TMEM273: variants seen among roughly 807,000 people sequenced by gnomAD.
The protein encoded by TMEM273 is chromosome 10 open reading frame 128.
A neutral mutation model predicts 17.9 loss-of-function variants in TMEM273; 19 were observed. The ratio of observed to expected loss-of-function variants is 1.06; its 90% CI spans 0.74 to 1.55. TMEM273 has a LOEUF of 1.55. Ranked by LOEUF, TMEM273 falls within the 40% of genes most tolerant of loss-of-function variation. The pLI is 0.00. For synonymous variants in TMEM273, 66 were observed against 62.0 expected, an observed-to-expected ratio of 1.07 and a Z score of -0.31; for missense variants, 194 against 155.6, an observed-to-expected ratio of 1.25 and a Z score of -1.31.
chr10:49,155,907 T>A lies in TMEM273; in HGVS notation c.375A>T (p.Arg125Ser). 6.2e-7 allele frequency: 1 copy of A among 1,614,144 alleles called. No individual in the cohort carries two copies. Among genetic ancestry groups the A allele is most frequent in the Non-Finnish European group, 8.5e-7 (1 of 1,180,038 alleles). Residue 125 changes from arginine to serine, a missense_variant and splice_region_variant, in exon 7 of 7, where the codon AGA (arginine) becomes AGT (serine). Coordinates refer to ENST00000374153, the MANE Select transcript of TMEM273 (RefSeq NM_001288740.3). ...FKAKPQFLQK[R>S]CTGD ...CACCTACAGCTCAATCACCTGTGCA[T>A]CTCTGGAAAGGAAGAGAACCATCTG... is the stretch of plus-strand genomic sequence containing the variant.
At chr10:49,175,644 T>TG (rs1846902554) in intron 1 of TMEM273, among the ~76,000 whole-genome samples, 1 of 152,224 alleles carries the variant, frequency 6.6e-6, no homozygotes, top group Non-Finnish European at 1.5e-5. Flanking sequence ...TTCAGGCTAA[T>TG]GGAGGGGTGG....
chr10:49,162,970 C>T (rs745782127), intron 5 of TMEM273, among the ~76,000 whole-genome samples: 2 of 152,232 alleles, frequency 1.3e-5, no homozygotes, highest in South Asian at 2.1e-4. Context: ...GCTGACTCAG[C>T]GCCCAACCCA....
intron 3 of TMEM273, 117 bp from the exon 4 acceptor site, chr10:49,165,913 A>G (rs1730116772): frequency 7.6e-7 from 1 of 1,320,230 alleles, no homozygotes; most frequent in African/African-American, 1.5e-5. Flanking sequence ...CCCTCGAGAG[A>G]CCCGGGGCCT....
intron 1 of TMEM273, among the ~76,000 whole-genome samples, chr10:49,176,292 C>A (rs1467401851): frequency 6.6e-6 from 1 of 152,220 alleles, no homozygotes; most frequent in Non-Finnish European, 1.5e-5. Context: ...TGGGAAGGTG[C>A]TCAGGTCAGA....
chr10:49,174,476 G>C (rs1846811578), intron 1 of TMEM273, among the ~76,000 whole-genome samples: 1 of 152,178 alleles, frequency 6.6e-6, no homozygotes, highest in Non-Finnish European at 1.5e-5. Flanking sequence ...ACCATGACTT[G>C]CAGAAATCTC....
In TMEM273 at chr10:49,166,970, G is replaced by A. The variant is rs372975640; in HGVS notation, c.137C>T (p.Ala46Val). The part of the protein sequence containing the change: ...YALIGTAVGV[A>V]ISAGFLALKI... ...CAGGGCCAGGAAGCCAGCAGATATGGCGACACCCACAGCAGTCCCGATGAG... is the reference window on the plus strand; with the variant it reads ...CAGGGCCAGGAAGCCAGCAGATATGACGACACCCACAGCAGTCCCGATGAG... The change falls in exon 3 of 7, where the codon GCC becomes GTC. Residue 46 changes from alanine (A) to valine (V), a missense_variant. Coordinates refer to ENST00000374153, the MANE Select transcript of TMEM273 (RefSeq NM_001288740.3). 3.5e-5 allele frequency: 57 copies of A among 1,614,042 alleles called. No individual in the cohort carries two copies. The highest frequency in any genetic ancestry group is 4.6e-5 in the Non-Finnish European group (54 of 1,180,036).
intron 5 of TMEM273, among the ~76,000 whole-genome samples, chr10:49,164,724 C>G (rs1171614879): frequency 6.6e-6 from 1 of 152,186 alleles, no homozygotes; most frequent in African/African-American, 2.4e-5. Context: ...ATGAGCTTCT[C>G]TTAGTCCTTC....
At position 49,164,679 on chromosome 10, in the gene TMEM273, T is replaced by C. The variant is rs535010928; in HGVS notation, c.348+526A>G. Among the ~76,000 whole-genome samples the C allele has an allele frequency of 2.0e-5, 3 of 152,316 alleles. No homozygotes were observed. In the East Asian group the frequency reaches 5.8e-4, roughly 29 times the overall value. The stretch of plus-strand genomic sequence containing the variant: ...GTTTGTCAGCGGCAGGTTTTACCCA[T>C]GATGCCTACATATACTAGGGTTCCC... On this transcript the variant is annotated intron_variant, in intron 5 of 6. Transcript: ENST00000374153.
rs569201583 is a variant in TMEM273, at chr10:49,165,899, G to A, written c.239-103C>T. The A allele has an allele frequency of 3.6e-4, 539 of 1,502,256 alleles. 1 individual carries two copies. The highest frequency in any genetic ancestry group is 7.0e-4 in the Middle Eastern group (4 of 5,678). The allele number at this position is 1,502,256 out of a possible 1,614,324, so 93.1% of individuals were successfully genotyped here. A position where few individuals can be genotyped will look rare whatever the true frequency, so the allele number is the denominator to read the frequency against. ...CCTCTCCTTGGTCCTCTCACTCACG[G>A]TTGCCCTCGAGAGACCCGGGGCCTG... On this transcript the variant is annotated intron_variant, in intron 3 of 6. Coordinates refer to ENST00000374153, the MANE Select transcript of TMEM273 (RefSeq NM_001288740.3).
In TMEM273 at chr10:49,157,188, G is replaced by A. The variant is rs564252877; in HGVS notation, c.373-1279C>T. Among the ~76,000 whole-genome samples, 22 of 152,350 alleles carry A rather than the reference G, an allele frequency of 1.4e-4. No homozygotes were observed. The South Asian group carries it at 4.6e-3, about 32-fold the overall frequency. Reference sequence around the variant, plus strand: ...GAGCAGCCTCCTCCCACCCCTGGCTGCCCTGAGCAGAAGAAGGGGCACTGC... The same window carrying A: ...GAGCAGCCTCCTCCCACCCCTGGCTACCCTGAGCAGAAGAAGGGGCACTGC... On this transcript the variant is annotated intron_variant, in intron 6 of 6. Transcript: ENST00000374153.
At chr10:49,180,319 C>T (rs989823277) in intron 1 of TMEM273, among the ~76,000 whole-genome samples, 7 of 152,268 alleles carry the variant, frequency 4.6e-5, no homozygotes, top group South Asian at 2.1e-4. Flanking sequence ...CCGAGGCTGA[C>T]GTTCCACTTC....
chr10:49,183,280 A>G (rs1267654154), intron 1 of TMEM273, among the ~76,000 whole-genome samples: 1 of 152,170 alleles, frequency 6.6e-6, no homozygotes, highest in Non-Finnish European at 1.5e-5. Flanking sequence ...TAAGAAATAA[A>G]CACTGATGTA....
chr10:49,156,368 A>G (rs567293243), intron 6 of TMEM273: 1 of 1,013,536 alleles, frequency 9.9e-7, no homozygotes, highest in Admixed American at 3.2e-5. Context: ...TGCTTGGTGT[A>G]CCAGCTTTGA....
At chr10:49,166,535 C>T (rs1846195272) in intron 3 of TMEM273, 1 of 321,480 alleles carries the variant, frequency 3.1e-6, no homozygotes, top group Admixed American at 4.5e-5. Context: ...AGTTCCTCTC[C>T]CACCTTTCTC....
rs531537632 is a variant in TMEM273, at chr10:49,159,157, A to T, written c.372+2442T>A. Among the ~76,000 whole-genome samples, 90 of 152,228 alleles carry T rather than the reference A, an allele frequency of 5.9e-4. 1 individual carries two copies. In the South Asian group the frequency reaches 0.011, roughly 19 times the overall value. On this transcript the variant is annotated intron_variant, in intron 6 of 6. Transcript: ENST00000374153. ...ATCGTGTACATGACACACGATTCAG[A>T]GATAAACTGTGTAAAGAAAACTATG...
At chr10:49,168,153 C>T (rs114206969) in intron 1 of TMEM273, among the ~76,000 whole-genome samples, 191 bp from the exon 2 acceptor site, 1,968 of 152,236 alleles carry the variant, frequency 0.013, 35 homozygotes, top group African/African-American at 0.042. Flanking sequence ...AGACCAGGAA[C>T]GCGTCTCCAC....
At position 49,165,113 on chromosome 10, in the gene TMEM273, C is replaced by A. The variant is rs544334512; in HGVS notation, c.348+92G>T. ...ATGCAAAATAGACAAATCAATATAT[C>A]GTATAGCATCAACTAGTGCAAAGAA... On this transcript the variant is annotated intron_variant, in intron 5 of 6. Coordinates refer to ENST00000374153, the MANE Select transcript of TMEM273 (RefSeq NM_001288740.3). 18 of 1,435,026 alleles carry A rather than the reference C, an allele frequency of 1.3e-5. No individual in the cohort carries two copies. The Admixed American group carries it at 4.5e-4, about 36-fold the overall frequency. The allele number at this position is 1,435,026 out of a possible 1,614,324, so 88.9% of individuals were successfully genotyped here.
chr10:49,183,828 CT>C (rs1416430010), intron 1 of TMEM273, among the ~76,000 whole-genome samples: 1 of 152,116 alleles, frequency 6.6e-6, no homozygotes, highest in Non-Finnish European at 1.5e-5. Flanking sequence ...TTTTATCACA[CT>C]TTCCAGGAAA....
chr10:49,184,680 C>A (rs887367029), intron 1 of TMEM273, among the ~76,000 whole-genome samples: 1 of 152,120 alleles, frequency 6.6e-6, no homozygotes, highest in Non-Finnish European at 1.5e-5. Flanking sequence ...TGGCCACAAC[C>A]CCCTGGTGGA....
Sources: allele counts gnomAD v4.1 joint callset (sites outside exome capture counted in the v4.1 genomes callset), GRCh38; gene constraint gnomAD v4.1.1; transcripts MANE v1.5; gene names NCBI Gene and HGNC (gene_info 2026-07-23, HGNC 2026-07-21).